Variants in GDF6 observed in about 807,000 individuals in gnomAD.
GDF6 encodes growth/differentiation factor 6.
GDF6 carries 3 observed loss-of-function variants against 32.4 expected under a neutral mutation model. The observed-to-expected ratio is 0.09, with a 90% confidence interval of 0.04 to 0.24. The LOEUF is 0.24. Ranked by LOEUF, GDF6 falls within the 10% of genes least tolerant of loss-of-function variation. The pLI, the probability that GDF6 is intolerant of heterozygous loss-of-function variation, is 1.00. For missense variants in GDF6, 589 were observed against 637.9 expected (o/e 0.92, Z 0.83); for synonymous variants, 296 against 295.3 (o/e 1.00, Z -0.03).
At position 96,160,597 on chromosome 8, in the gene GDF6, C is replaced by G; in HGVS notation, c.96G>C (p.Ser32=). 1 of 1,613,612 alleles carries G rather than the reference C, an allele frequency of 6.2e-7. No homozygotes were observed. Among genetic ancestry groups the G allele is most frequent in the Non-Finnish European group, 8.5e-7 (1 of 1,179,732 alleles). ...TGGTGGAACCCAGCTCGGCGGACGA[C>G]GAGGAGGATGAGATGGAAGCCTGCT... ...GFQQASISSS[S]SSAELGSTKG... Residue 32 remains serine (S), a synonymous_variant, in exon 1 of 2, where the codon TCG becomes TCC. Transcript: ENST00000287020.
At chr8:96,148,886 T>G (rs544693848) in intron 1 of GDF6, among the ~76,000 whole-genome samples, 21 of 152,350 alleles carry the variant, frequency 1.4e-4, no homozygotes, top group African/African-American at 5.1e-4. Context: ...GGCTCCTCTG[T>G]GCAGCTCCCC....
At chr8:96,158,400 A>C (rs1360062861) in intron 1 of GDF6, among the ~76,000 whole-genome samples, 1 of 152,020 alleles carries the variant, frequency 6.6e-6, no homozygotes, top group African/African-American at 2.4e-5. Context: ...CTTTTCCCCA[A>C]CCCTTGTCTG....
intron 1 of GDF6, among the ~76,000 whole-genome samples, chr8:96,151,064 A>C (rs763292547): frequency 2.0e-5 from 3 of 152,204 alleles, no homozygotes; most frequent in African/African-American, 4.8e-5. Context: ...TGTGCCAACT[A>C]TGTACCCTCT....
At chr8:96,159,871 T>C (rs1812730404) in intron 1 of GDF6, among the ~76,000 whole-genome samples, 2 of 152,180 alleles carry the variant, frequency 1.3e-5, no homozygotes, top group Non-Finnish European at 2.9e-5. Flanking sequence ...ATGCCCTAGA[T>C]CTGCCCCAGC....
Position 96,145,211 on chromosome 8 carries a change from C to A in GDF6, c.720G>T (p.Leu240=). 1 of 1,504,296 alleles carries A rather than the reference C, an allele frequency of 6.6e-7. No individual in the cohort carries two copies. Among genetic ancestry groups the A allele is most frequent in the Non-Finnish European group, 8.8e-7 (1 of 1,134,274 alleles). 93.2% of individuals were successfully genotyped at this position (1,504,296 alleles called of 1,614,324 possible). ...CLELRAAWGE[L]DAGEAEARAR... is the part of the protein sequence containing the mutation. Reference sequence around the variant, plus strand: ...CGCGCGCCTCGGCCTCCCCGGCGTCCAGCTCGCCCCATGCGGCCCGCAGCT... The same window carrying A: ...CGCGCGCCTCGGCCTCCCCGGCGTCAAGCTCGCCCCATGCGGCCCGCAGCT... Residue 240 remains leucine (L), a synonymous_variant, in exon 2 of 2, where the codon CTG becomes CTT. Coordinates refer to ENST00000287020, the MANE Select transcript of GDF6 (RefSeq NM_001001557.4). This position sits in a 1 kb window ranked among gnomAD's most constrained non-coding sequence, Gnocchi z 5.6.
At chr8:96,149,065 T>C (rs1207463503) in intron 1 of GDF6, among the ~76,000 whole-genome samples, 1 of 152,262 alleles carries the variant, frequency 6.6e-6, no homozygotes, top group Non-Finnish European at 1.5e-5. Context: ...ATGAGCCATC[T>C]GTGGGCAAAA....
chr8:96,150,097 C>T (rs1375344839), intron 1 of GDF6, among the ~76,000 whole-genome samples: 1 of 152,228 alleles, frequency 6.6e-6, no homozygotes, highest in African/African-American at 2.4e-5. Flanking sequence ...AGCTTGAGGT[C>T]CCTTTTGAAA....
In GDF6 at chr8:96,142,883, T is replaced by G. The variant is rs1812396437; in HGVS notation, c.*1680A>C. On this transcript the variant is annotated 3_prime_UTR_variant, in exon 2 of 2. Coordinates refer to ENST00000287020, the MANE Select transcript of GDF6 (RefSeq NM_001001557.4). ...AACCAAACAAGCAACAGGTTTAGAT[T>G]GGAAGAGAGCAAAATCACTTAGGAA... 1 of 152,248 alleles carries G rather than the reference T, an allele frequency of 6.6e-6. No homozygotes were observed. Among genetic ancestry groups the G allele is most frequent in the South Asian group, 2.1e-4 (1 of 4,838 alleles). The allele number at this position is 152,248 out of a possible 1,614,324, so 9.4% of individuals were successfully genotyped here. A position where few individuals can be genotyped will look rare whatever the true frequency, so the allele number is the denominator to read the frequency against.
chr8:96,149,577 A>C (rs1812534616), intron 1 of GDF6, among the ~76,000 whole-genome samples: 1 of 152,232 alleles, frequency 6.6e-6, no homozygotes. Context: ...TGTAGAATTT[A>C]GGAAAAATTT....
chr8:96,149,900 A>G (rs1812539202), intron 1 of GDF6, among the ~76,000 whole-genome samples: 1 of 152,156 alleles, frequency 6.6e-6, no homozygotes, highest in African/African-American at 2.4e-5. Flanking sequence ...AGGGAGGGAC[A>G]CGTAGCTGCA....
rs1563508135 is a variant in GDF6, at chr8:96,144,474, C to T, written c.*89G>A. 1 of 1,507,974 alleles carries T rather than the reference C, an allele frequency of 6.6e-7. No individual in the cohort carries two copies. Among genetic ancestry groups the T allele is most frequent in the Non-Finnish European group, 9.0e-7 (1 of 1,116,532 alleles). 93.4% of individuals were successfully genotyped at this position (1,507,974 alleles called of 1,614,324 possible). A position where few individuals can be genotyped will look rare whatever the true frequency, so the allele number is the denominator to read the frequency against. On this transcript the variant is annotated 3_prime_UTR_variant, in exon 2 of 2. Transcript: ENST00000287020. This position sits in a 1 kb window ranked among gnomAD's most constrained non-coding sequence, Gnocchi z 5.1. ...CCTCAGCCTCCCCCAGCGCCAGCTT[C>T]CTCCTCCGCCTCTCTGCAGCCAGGC...
intron 1 of GDF6, among the ~76,000 whole-genome samples, chr8:96,154,425 C>T (rs1812624701): frequency 6.6e-6 from 1 of 152,224 alleles, no homozygotes; most frequent in African/African-American, 2.4e-5. Context: ...ACCCTGGAAC[C>T]CATTAGTCCA....
chr8:96,145,584 C>T lies in GDF6; in HGVS notation c.407-60G>A. The T allele has an allele frequency of 3.1e-6, 5 of 1,592,968 alleles. No homozygotes were observed. The highest frequency in any genetic ancestry group is 1.7e-6 in the Non-Finnish European group (2 of 1,176,992). On this transcript the variant is annotated intron_variant, in intron 1 of 1. Coordinates refer to ENST00000287020, the MANE Select transcript of GDF6 (RefSeq NM_001001557.4). The surrounding 1 kb of genome is among the most constrained non-coding windows in gnomAD (Gnocchi z 5.6). ...TTAAGGGGGAGATCAGCCCGGTGCT[C>T]TTCGGCCGCCCCGGGAGGAAAAGGG...
Position 96,142,484 on chromosome 8 carries a change from A to C in GDF6, c.*2079T>G, listed in dbSNP as rs1441134653. ...ATATGAGGTAGACAGTTTAAAAAAAACTCTCCATTAGACAGACTTAAAATT... is the reference window on the plus strand; with the variant it reads ...ATATGAGGTAGACAGTTTAAAAAAACCTCTCCATTAGACAGACTTAAAATT... On this transcript the variant is annotated 3_prime_UTR_variant, in exon 2 of 2. Transcript: ENST00000287020. The C allele has an allele frequency of 6.6e-6, 1 of 152,424 alleles. No individual in the cohort carries two copies. Among genetic ancestry groups the C allele is most frequent in the Non-Finnish European group, 1.5e-5 (1 of 68,030 alleles). The allele number at this position is 152,424 out of a possible 1,614,324, so 9.4% of individuals were successfully genotyped here.
At chr8:96,151,474 C>T (rs1334026044) in intron 1 of GDF6, among the ~76,000 whole-genome samples, 2 of 152,190 alleles carry the variant, frequency 1.3e-5, no homozygotes, top group Non-Finnish European at 1.5e-5. Context: ...GTATCTGTGC[C>T]ACCACCCTAG....
chr8:96,156,205 G>T (rs1812659000), intron 1 of GDF6, among the ~76,000 whole-genome samples: 1 of 152,184 alleles, frequency 6.6e-6, no homozygotes. Flanking sequence ...AAAGTAAAGG[G>T]TATTCTTATT....
chr8:96,146,612 A>C (rs1223032737), intron 1 of GDF6, among the ~76,000 whole-genome samples: 2 of 152,056 alleles, frequency 1.3e-5, no homozygotes, highest in Non-Finnish European at 2.9e-5. Flanking sequence ...TCCTGCAGTC[A>C]ATGAGAAAAA....
Position 96,142,904 on chromosome 8 carries a change from A to G in GDF6, c.*1659T>C, listed in dbSNP as rs1195407311. The G allele has an allele frequency of 6.6e-6, 1 of 152,262 alleles. No homozygotes were observed. Among genetic ancestry groups the G allele is most frequent in the Non-Finnish European group, 1.5e-5 (1 of 68,046 alleles). 9.4% of individuals were successfully genotyped at this position (152,262 alleles called of 1,614,324 possible). The stretch of plus-strand genomic sequence containing the variant: ...AGATTGGAAGAGAGCAAAATCACTT[A>G]GGAAAAACTAAAACTTTTTAAAAGG... On this transcript the variant is annotated 3_prime_UTR_variant, in exon 2 of 2. Coordinates refer to ENST00000287020, the MANE Select transcript of GDF6 (RefSeq NM_001001557.4).
At chr8:96,151,541 G>A (rs2130220687) in intron 1 of GDF6, among the ~76,000 whole-genome samples, 1 of 152,236 alleles carries the variant, frequency 6.6e-6, no homozygotes, top group Middle Eastern at 3.4e-3. Flanking sequence ...CTTCCATGCT[G>A]CCCATGCCTG....
Sources: gnomAD v4.1 joint callset for allele counts (sites outside exome capture counted in the v4.1 genomes callset) on GRCh38, gnomAD v4.1.1 for gene constraint, Gnocchi (gnomAD v3.1) non-coding constraint, MANE v1.5 for transcripts, NCBI Gene and HGNC (gene_info 2026-07-23, HGNC 2026-07-21) for gene names.